GTF2A1: variants seen among roughly 807,000 people sequenced by gnomAD.
GTF2A1 encodes general transcription factor IIA subunit 1.
In GTF2A1, 12 loss-of-function variants were observed where a neutral mutation model predicts 54.1. That is an observed-to-expected ratio of 0.22 (90% CI 0.14 to 0.36). GTF2A1 has a LOEUF of 0.36. GTF2A1 is among the 10% of genes least tolerant of loss of function. The probability of loss-of-function intolerance (pLI) is 1.00; values close to 1 mark genes in which losing one functional copy is unlikely to be tolerated. For missense variants in GTF2A1, 335 were observed against 442.2 expected (o/e 0.76, Z 2.17); for synonymous variants, 145 against 152.0 (o/e 0.95, Z 0.34).
intron 2 of GTF2A1, among the ~76,000 whole-genome samples, chr14:81,214,719 T>C (rs1350113285): frequency 6.6e-6 from 1 of 152,156 alleles, no homozygotes; most frequent in Non-Finnish European, 1.5e-5. Context: ...ATATTTATAC[T>C]AATAGAAATT....
Position 81,180,163 on chromosome 14 carries a change from A to G in GTF2A1, c.*60T>C. 2 of 754,506 alleles carry G rather than the reference A, an allele frequency of 2.7e-6. No individual in the cohort carries two copies. The allele number at this position is 754,506 out of a possible 1,614,324, so 46.7% of individuals were successfully genotyped here. A position where few individuals can be genotyped will look rare whatever the true frequency, so the allele number is the denominator to read the frequency against. On this transcript the variant is annotated 3_prime_UTR_variant, in exon 9 of 9. Coordinates refer to ENST00000553612, the MANE Select transcript of GTF2A1 (RefSeq NM_015859.4). ...GGTTGGCATATGCCCCAAGTTTCAA[A>G]CTGTCCGCTTTACATTTTTTTTAAG...
chr14:81,181,480 G>C (rs182028073), intron 8 of GTF2A1, among the ~76,000 whole-genome samples: 1 of 152,154 alleles, frequency 6.6e-6, no homozygotes, highest in East Asian at 1.9e-4. Flanking sequence ...GGTCCAGTAC[G>C]CTTTTACTAA....
chr14:81,210,734 T>C (rs1893345641), intron 2 of GTF2A1, among the ~76,000 whole-genome samples: 1 of 152,130 alleles, frequency 6.6e-6, no homozygotes, highest in South Asian at 2.1e-4. Flanking sequence ...TTTGTATTTT[T>C]AGTAGATACG....
chr14:81,220,413 G>T, intron 1 of GTF2A1, 76 bp downstream of exon 1: 2 of 1,050,520 alleles, frequency 1.9e-6, no homozygotes, highest in Non-Finnish European at 2.7e-6. Flanking sequence ...AGTCGCCGCC[G>T]TCCCCGCCCC....
At chr14:81,181,479 C>T (rs577615294) in intron 8 of GTF2A1, among the ~76,000 whole-genome samples, 22 of 152,266 alleles carry the variant, frequency 1.4e-4, no homozygotes, top group African/African-American at 4.8e-4. Flanking sequence ...TGGTCCAGTA[C>T]GCTTTTACTA....
At chr14:81,192,477 A>G in intron 7 of GTF2A1, 42 bp downstream of exon 7, 1 of 1,466,678 alleles carries the variant, frequency 6.8e-7, no homozygotes, top group Non-Finnish European at 9.3e-7. Flanking sequence ...AAAAAAGGAA[A>G]TAATCAAGTA....
rs775942957 is a variant in GTF2A1, at chr14:81,216,534, G to T, written c.31-20C>A. On this transcript the variant is annotated intron_variant, in intron 1 of 8. Coordinates refer to ENST00000553612, the MANE Select transcript of GTF2A1 (RefSeq NM_015859.4). ...TTTAGGCTTTAAAGGAAAAATAAAA[G>T]ACTTGAAAAAGACAGTTTTTCACAG... 8.8e-7 allele frequency: 1 copy of T among 1,137,986 alleles called. No individual in the cohort carries two copies. Among genetic ancestry groups the T allele is most frequent in the South Asian group, 1.3e-5 (1 of 75,326 alleles). 70.5% of individuals were successfully genotyped at this position (1,137,986 alleles called of 1,614,324 possible). A position where few individuals can be genotyped will look rare whatever the true frequency, so the allele number is the denominator to read the frequency against.
chr14:81,220,177 CG>C (rs1893590826), intron 1 of GTF2A1, among the ~76,000 whole-genome samples: 1 of 145,902 alleles, frequency 6.9e-6, no homozygotes, highest in Non-Finnish European at 1.5e-5. Flanking sequence ...TCCCTCCCGG[CG>C]GCCGGGTTCT....
At chr14:81,203,435 G>C (rs764339247) in intron 3 of GTF2A1, among the ~76,000 whole-genome samples, 9 of 152,118 alleles carry the variant, frequency 5.9e-5, no homozygotes, top group Non-Finnish European at 1.0e-4. Context: ...AAAAACTCCA[G>C]AATGTAAGAT....
At chr14:81,184,958 T>G (rs1478980178) in intron 8 of GTF2A1, among the ~76,000 whole-genome samples, 2 of 152,190 alleles carry the variant, frequency 1.3e-5, no homozygotes, top group Non-Finnish European at 2.9e-5. Flanking sequence ...AGAAGCACCC[T>G]GTCTAGGAAT....
chr14:81,192,418 AAC>A, intron 7 of GTF2A1, 99 bp downstream of exon 7: 1 of 863,202 alleles, frequency 1.2e-6, no homozygotes, highest in East Asian at 2.4e-5. Context: ...TACAGCACCT[AAC>A]AGTCTCTGAA....
intron 4 of GTF2A1, among the ~76,000 whole-genome samples, chr14:81,201,267 G>C (rs11159494): frequency 0.4 from 60,070 of 151,902 alleles, 14,065 homozygotes; most frequent in Middle Eastern, 0.55. Flanking sequence ...CCACCCTCTT[G>C]CAATTACTAG....
intron 5 of GTF2A1, 89 bp from the exon 6 acceptor site, chr14:81,196,330 A>C: frequency 1.5e-6 from 2 of 1,322,852 alleles, no homozygotes; most frequent in South Asian, 2.4e-5. Context: ...ATACCACCAA[A>C]GGCACAAGAA....
At position 81,201,574 on chromosome 14, in the gene GTF2A1, T is replaced by C. The variant is rs1178253321; in HGVS notation, c.402+20A>G. ...TAGAATTAAGTACAGCCAATCAAACTGCTACATTCTGAGTCTTACCATGTT... is the reference window on the plus strand; with the variant it reads ...TAGAATTAAGTACAGCCAATCAAACCGCTACATTCTGAGTCTTACCATGTT... On this transcript the variant is annotated intron_variant, in intron 4 of 8. Coordinates refer to ENST00000553612, the MANE Select transcript of GTF2A1 (RefSeq NM_015859.4). The C allele has an allele frequency of 4.2e-6, 6 of 1,439,504 alleles. No individual in the cohort carries two copies. Among genetic ancestry groups the C allele is most frequent in the South Asian group, 2.3e-5 (2 of 86,784 alleles). The allele number at this position is 1,439,504 out of a possible 1,614,324, so 89.2% of individuals were successfully genotyped here.
rs1176019673 is a variant in GTF2A1 at position 81,180,400 on chromosome 14, C to A, written c.1024-70G>T. On this transcript the variant is annotated intron_variant, in intron 8 of 8. Coordinates refer to ENST00000553612, the MANE Select transcript of GTF2A1 (RefSeq NM_015859.4). ...AACAGAGAAAACAAGTAACAAAAAA[C>A]CCATACACACACACACGTACACACA... The A allele has an allele frequency of 4.0e-6, 3 of 746,286 alleles. No individual in the cohort carries two copies. In the East Asian group the frequency reaches 7.4e-5, roughly 18 times the overall value. 46.2% of individuals were successfully genotyped at this position (746,286 alleles called of 1,614,324 possible).
intron 4 of GTF2A1, among the ~76,000 whole-genome samples, chr14:81,198,101 T>C (rs150808334): frequency 1.7e-4 from 26 of 152,298 alleles, no homozygotes; most frequent in African/African-American, 6.0e-4. Flanking sequence ...CATTATATTC[T>C]AGGTGAAACA....
At chr14:81,192,480 A>T in intron 7 of GTF2A1, 39 bp downstream of exon 7, 1 of 1,483,294 alleles carries the variant, frequency 6.7e-7, no homozygotes, top group East Asian at 2.3e-5. Flanking sequence ...AAAGGAAATA[A>T]TCAAGTAGAT....
intron 7 of GTF2A1, among the ~76,000 whole-genome samples, chr14:81,188,369 C>G (rs1256739140): frequency 6.6e-6 from 1 of 150,818 alleles, no homozygotes; most frequent in Non-Finnish European, 1.5e-5. Context: ...GTCTGGGCAA[C>G]AGAGTGAGAT....
intron 8 of GTF2A1, among the ~76,000 whole-genome samples, chr14:81,184,628 A>G (rs1003090894): frequency 6.6e-6 from 1 of 152,178 alleles, no homozygotes; most frequent in African/African-American, 2.4e-5. Context: ...TCATTTCCAT[A>G]AAAGCAACAG....
Sources: allele counts gnomAD v4.1 joint callset (sites outside exome capture counted in the v4.1 genomes callset), GRCh38; gene constraint gnomAD v4.1.1; transcripts MANE v1.5; gene names NCBI Gene and HGNC (gene_info 2026-07-23, HGNC 2026-07-21).